VSTM4: variants seen among roughly 807,000 people sequenced by gnomAD.
VSTM4 encodes the protein V-set and transmembrane domain containing 4, also known as V-set and transmembrane domain-containing protein 4.
In VSTM4, 20 loss-of-function variants were observed where a neutral mutation model predicts 36.4. That is an observed-to-expected ratio of 0.55 (90% CI 0.39 to 0.80). The LOEUF (loss-of-function observed/expected upper bound fraction) is 0.80, where lower values mean the gene tolerates loss of function less well. Among genes scored for constraint, VSTM4 ranks in the 30% least tolerant of loss-of-function variants. VSTM4 has a pLI of 0.00. For missense variants in VSTM4, 392 were observed against 404.5 expected, an observed-to-expected ratio of 0.97 and a Z score of 0.26; for synonymous variants, 182 against 173.9, an observed-to-expected ratio of 1.05 and a Z score of -0.37.
chr10:49,020,229 C>A (rs924853278), intron 7 of VSTM4, among the ~76,000 whole-genome samples: 15 of 152,158 alleles, frequency 9.9e-5, no homozygotes, highest in African/African-American at 3.6e-4. Flanking sequence ...TTCAAAATAT[C>A]TTGAAAATAA....
chr10:49,085,631 CT>C (rs1844356501), intron 3 of VSTM4, among the ~76,000 whole-genome samples: 1 of 152,126 alleles, frequency 6.6e-6, no homozygotes, highest in Non-Finnish European at 1.5e-5. Flanking sequence ...TTCCATCTCA[CT>C]TTGAGTAAGT....
At chr10:49,031,897 C>T (rs1381224911) in intron 7 of VSTM4, among the ~76,000 whole-genome samples, 5 of 152,110 alleles carry the variant, frequency 3.3e-5, no homozygotes, top group Non-Finnish European at 4.4e-5. Context: ...CCATATGGCA[C>T]TGTTCATTCA....
intron 7 of VSTM4, among the ~76,000 whole-genome samples, chr10:49,036,450 T>G (rs992582928): frequency 9.2e-5 from 14 of 152,340 alleles, no homozygotes; most frequent in Admixed American, 9.1e-4. Flanking sequence ...TATGAACATA[T>G]TTTATGCAGG....
chr10:49,034,731 T>G (rs1271120545), intron 7 of VSTM4, among the ~76,000 whole-genome samples: 2 of 152,140 alleles, frequency 1.3e-5, no homozygotes, highest in Non-Finnish European at 2.9e-5. Flanking sequence ...TATTTTTTTT[T>G]GAGACGGTGA....
At chr10:49,049,103 T>A (rs1843658674) in intron 5 of VSTM4, among the ~76,000 whole-genome samples, 1 of 152,208 alleles carries the variant, frequency 6.6e-6, no homozygotes, top group Admixed American at 6.5e-5. Flanking sequence ...TGCACCTGGA[T>A]GTGTCTGGGG....
chr10:49,040,328 G>A (rs1292267401), intron 7 of VSTM4, among the ~76,000 whole-genome samples: 1 of 152,102 alleles, frequency 6.6e-6, no homozygotes, highest in Admixed American at 6.5e-5. Context: ...TGTCACCTAG[G>A]CTGTAGTGCA....
intron 7 of VSTM4, among the ~76,000 whole-genome samples, chr10:49,035,093 A>C (rs1175166652): frequency 6.6e-6 from 1 of 152,120 alleles, no homozygotes; most frequent in African/African-American, 2.4e-5. Flanking sequence ...CCGCACCATG[A>C]CACCTGGGAC....
chr10:49,029,161 T>C (rs1843308115), intron 7 of VSTM4, among the ~76,000 whole-genome samples: 1 of 152,232 alleles, frequency 6.6e-6, no homozygotes, highest in African/African-American at 2.4e-5. Context: ...GAGTAAAGTA[T>C]GCTGTGAAGC....
chr10:49,089,427 C>T (rs17011795), intron 2 of VSTM4, among the ~76,000 whole-genome samples: 8,402 of 152,264 alleles, frequency 0.055, 245 homozygotes, highest in Middle Eastern at 0.11. Flanking sequence ...CAGGTGCCTT[C>T]GGGTCATTTT....
chr10:49,054,787 C>A (rs1843750513), intron 5 of VSTM4, among the ~76,000 whole-genome samples: 1 of 152,132 alleles, frequency 6.6e-6, no homozygotes. Context: ...ATCAGGAGTC[C>A]TCACCCCTGC....
At chr10:49,089,596 T>C (rs143855935) in intron 2 of VSTM4, among the ~76,000 whole-genome samples, 62 of 152,314 alleles carry the variant, frequency 4.1e-4, no homozygotes, top group African/African-American at 1.3e-3. Flanking sequence ...ACTAACCCTA[T>C]GCAAGGAATC....
In VSTM4 at chr10:49,107,629, G is replaced by A. The variant is rs1375152614; in HGVS notation, c.422C>T (p.Ala141Val). 2 of 1,612,982 alleles carry A rather than the reference G, an allele frequency of 1.2e-6. No individual in the cohort carries two copies. The highest frequency in any genetic ancestry group is 1.7e-6 in the Non-Finnish European group (2 of 1,179,176). ...EISRHRNKWT[A>V]WSNGSSATEM... Reference sequence around the variant, plus strand: ...CGTGGCTGAGGAGCCATTGGACCAGGCCGTCCACTTGTTCCTGTGCCTGCT... The same window carrying A: ...CGTGGCTGAGGAGCCATTGGACCAGACCGTCCACTTGTTCCTGTGCCTGCT... Residue 141 changes from alanine (A) to valine (V), a missense_variant, in exon 2 of 8, where the codon GCC becomes GTC. Coordinates refer to ENST00000332853, the MANE Select transcript of VSTM4 (RefSeq NM_001031746.5).
intron 4 of VSTM4, among the ~76,000 whole-genome samples, chr10:49,066,125 T>C (rs1843968972): frequency 6.6e-6 from 1 of 152,142 alleles, no homozygotes; most frequent in Non-Finnish European, 1.5e-5. Context: ...TCACCTCCCA[T>C]GGTATTCTTT....
intron 7 of VSTM4, among the ~76,000 whole-genome samples, chr10:49,040,178 T>C (rs1234985665): frequency 3.9e-5 from 6 of 152,228 alleles, no homozygotes; most frequent in African/African-American, 1.4e-4. Flanking sequence ...CATTATCTGA[T>C]TAGCAGAACT....
At chr10:49,034,029 C>T (rs1283457490) in intron 7 of VSTM4, among the ~76,000 whole-genome samples, 1 of 151,992 alleles carries the variant, frequency 6.6e-6, no homozygotes, top group South Asian at 2.1e-4. Flanking sequence ...TTATTACCAA[C>T]ACCATCATCA....
intron 5 of VSTM4, among the ~76,000 whole-genome samples, chr10:49,063,019 T>A (rs1843908459): frequency 6.7e-6 from 1 of 149,228 alleles, no homozygotes; most frequent in Non-Finnish European, 1.5e-5. Context: ...GAATTGATGA[T>A]TGAATCTTTT....
chr10:49,026,512 A>G (rs901647986), intron 7 of VSTM4, among the ~76,000 whole-genome samples: 1 of 152,256 alleles, frequency 6.6e-6, no homozygotes, highest in Admixed American at 6.5e-5. Context: ...AAAGTGAAAT[A>G]CATAAAATAA....
chr10:49,087,786 G>A (rs56737365), intron 2 of VSTM4, among the ~76,000 whole-genome samples: 10,577 of 151,738 alleles, frequency 0.07, 1,128 homozygotes, highest in African/African-American at 0.23. Context: ...AGAGTTAAAC[G>A]TCTCCAGCAA....
chr10:49,045,112 C>T (rs762554538), intron 7 of VSTM4, among the ~76,000 whole-genome samples: 61 of 152,130 alleles, frequency 4.0e-4, no homozygotes, highest in Middle Eastern at 3.4e-3. Context: ...ATGTAGATGT[C>T]GAGAATTGGC....
Sources: allele counts gnomAD v4.1 joint callset (sites outside exome capture counted in the v4.1 genomes callset), GRCh38; gene constraint gnomAD v4.1.1; transcripts MANE v1.5; gene names NCBI Gene and HGNC (gene_info 2026-07-23, HGNC 2026-07-21).